CELF2: variants seen among roughly 807,000 people sequenced by gnomAD.
CELF2 encodes the protein CUGBP Elav-like family member 2.
In CELF2, 8 loss-of-function variants were observed where a neutral mutation model predicts 62.6. The observed-to-expected ratio is 0.13, with a 90% CI of 0.07 to 0.23. CELF2 has a LOEUF of 0.23. Ranked by LOEUF, CELF2 falls within the 10% of genes least tolerant of loss-of-function variation. CELF2 has a pLI of 1.00. For missense variants in CELF2, 333 were observed against 671.0 expected (o/e 0.50, Z 5.56); for synonymous variants, 258 against 250.0 (o/e 1.03, Z -0.30).
At chr10:10,911,802 G>A (rs1420343547) in intron 1 of CELF2, among the ~76,000 whole-genome samples, 1 of 152,196 alleles carries the variant, frequency 6.6e-6, no homozygotes, top group Non-Finnish European at 1.5e-5. Context: ...TTACAGGAGC[G>A]CTCTTGGGAA....
At chr10:11,147,141 G>C (rs975529688) in intron 1 of CELF2, among the ~76,000 whole-genome samples, 1 of 152,166 alleles carries the variant, frequency 6.6e-6, no homozygotes, top group Admixed American at 6.5e-5. Context: ...CTCTCTGCTT[G>C]AGTGTGCCAG....
chr10:11,319,102 C>T lies in CELF2; in HGVS notation c.1097-2087C>T, dbSNP rs532503477. 754 of 469,908 alleles carry T rather than the reference C, an allele frequency of 1.6e-3. 7 individuals carry two copies. Among genetic ancestry groups the T allele is most frequent in the South Asian group, 0.011 (737 of 64,562 alleles). The allele number at this position is 469,908 out of a possible 1,614,324, so 29.1% of individuals were successfully genotyped here. ...ATGCCTTGAGATCCAAGCAGAGCGG[C>T]GAGTCGCCGCTCCTCTCCCGCCAGA... On this transcript the variant is annotated intron_variant, in intron 10 of 12. Coordinates refer to ENST00000633077, the MANE Select transcript of CELF2 (RefSeq NM_001326342.2). This position sits in a 1 kb window ranked among gnomAD's most constrained non-coding sequence, Gnocchi z 4.4.
At chr10:10,714,772 T>A in the CELF2 span, among the ~76,000 whole-genome samples, 1 of 152,174 alleles carries the variant, frequency 6.6e-6, no homozygotes, top group African/African-American at 2.4e-5. Context: ...TCCACATGCT[T>A]ACGGTTGAAT....
chr10:10,909,676 T>TG (rs1260035875), intron 1 of CELF2, among the ~76,000 whole-genome samples: 7 of 152,258 alleles, frequency 4.6e-5, no homozygotes, highest in African/African-American at 1.7e-4. Flanking sequence ...TGGCATTGGC[T>TG]GTTAGGCGAA....
chr10:11,180,513 G>A (rs1370850645), intron 2 of CELF2, among the ~76,000 whole-genome samples: 1 of 152,188 alleles, frequency 6.6e-6, no homozygotes, highest in Non-Finnish European at 1.5e-5. Flanking sequence ...GTCTCCTCCT[G>A]ATGAGGAAAC....
At chr10:11,162,611 G>A (rs2065975805) in intron 1 of CELF2, among the ~76,000 whole-genome samples, 1 of 151,130 alleles carries the variant, frequency 6.6e-6, no homozygotes, top group South Asian at 2.1e-4. Context: ...CTGGGGTGGG[G>A]GGGGTGAAAA....
At chr10:11,210,657 T>C (rs941266198) in intron 2 of CELF2, among the ~76,000 whole-genome samples, 1 of 152,160 alleles carries the variant, frequency 6.6e-6, no homozygotes, top group Non-Finnish European at 1.5e-5. Context: ...CAGGGGAGTT[T>C]CTCCTTGCTT....
chr10:11,136,010 G>A (rs2060380195), intron 1 of CELF2, among the ~76,000 whole-genome samples: 1 of 152,148 alleles, frequency 6.6e-6, no homozygotes, highest in African/African-American at 2.4e-5. Context: ...TTTACTGGTG[G>A]ACTATAATAT....
the CELF2 span, among the ~76,000 whole-genome samples, chr10:10,590,392 A>G: frequency 1.3e-5 from 2 of 152,250 alleles, no homozygotes; most frequent in Non-Finnish European, 2.9e-5. Context: ...CCCTGAAGCC[A>G]GAAAAACAGG....
the CELF2 span, among the ~76,000 whole-genome samples, chr10:10,745,277 T>C: frequency 6.6e-6 from 1 of 152,148 alleles, no homozygotes; most frequent in Non-Finnish European, 1.5e-5. Context: ...AAATAACATT[T>C]ATTGGTCACA....
the CELF2 span, among the ~76,000 whole-genome samples, chr10:10,512,401 C>CT: frequency 0.3 from 32,697 of 108,648 alleles, 6,436 homozygotes; most frequent in Non-Finnish European, 0.4. Flanking sequence ...TTTTGGAACG[C>CT]TTTTTTTTTT....
At chr10:10,843,313 A>C (rs1029455372) in intron 1 of CELF2, among the ~76,000 whole-genome samples, 1 of 151,950 alleles carries the variant, frequency 6.6e-6, no homozygotes, top group Non-Finnish European at 1.5e-5. Context: ...CTTCTCCTCT[A>C]ATTATTTCTT....
At chr10:10,568,478 T>C in the CELF2 span, among the ~76,000 whole-genome samples, 1 of 152,180 alleles carries the variant, frequency 6.6e-6, no homozygotes, top group Non-Finnish European at 1.5e-5. Context: ...CTTGAGTCCT[T>C]GTGACGAAGA....
chr10:10,853,913 C>T (rs926722531), intron 1 of CELF2, among the ~76,000 whole-genome samples: 2 of 152,118 alleles, frequency 1.3e-5, no homozygotes, highest in Non-Finnish European at 2.9e-5. Context: ...CAAGACTTCG[C>T]ATGTACGAAA....
chr10:10,906,187 C>T (rs375866393), intron 1 of CELF2, among the ~76,000 whole-genome samples: 91 of 152,276 alleles, frequency 6.0e-4, no homozygotes, highest in African/African-American at 2.1e-3. Flanking sequence ...TTTCCCAGGT[C>T]TGCTAATTCA....
the CELF2 span, among the ~76,000 whole-genome samples, chr10:10,710,593 C>CCTA: frequency 6.6e-6 from 1 of 152,146 alleles, no homozygotes; most frequent in African/African-American, 2.4e-5. Context: ...GCCCTGGCTA[C>CCTA]CTACTACCTG....
At chr10:11,126,045 C>G (rs1235279675) in intron 1 of CELF2, among the ~76,000 whole-genome samples, 1 of 152,194 alleles carries the variant, frequency 6.6e-6, no homozygotes, top group Non-Finnish European at 1.5e-5. Context: ...ACGTAAAATA[C>G]TACATCCTGC....
chr10:10,607,033 C>T, the CELF2 span, among the ~76,000 whole-genome samples: 1 of 152,144 alleles, frequency 6.6e-6, no homozygotes, highest in Non-Finnish European at 1.5e-5. Flanking sequence ...ATTGCTGAGA[C>T]CTTTAAACAT....
chr10:10,837,648 T>C (rs1216837688), intron 1 of CELF2, among the ~76,000 whole-genome samples: 3 of 152,198 alleles, frequency 2.0e-5, no homozygotes, highest in Non-Finnish European at 4.4e-5. Context: ...TACAAAGTAT[T>C]AACGGTCAGA....
Sources: allele counts gnomAD v4.1 joint callset (sites outside exome capture counted in the v4.1 genomes callset), GRCh38; gene constraint gnomAD v4.1.1; non-coding constraint Gnocchi (gnomAD v3.1); transcripts MANE v1.5; gene names NCBI Gene and HGNC (gene_info 2026-07-23, HGNC 2026-07-21).